Variants in TNIK observed in about 807,000 individuals in gnomAD.
The protein encoded by TNIK is TRAF2 and NCK interacting kinase, also known as TRAF2 and NCK-interacting protein kinase.
In TNIK, 49 loss-of-function variants were observed where a neutral mutation model predicts 191.3. That is an observed-to-expected ratio of 0.26 (90% CI 0.20 to 0.32). The LOEUF (loss-of-function observed/expected upper bound fraction) is 0.32. Among genes scored for constraint, TNIK ranks in the 10% least tolerant of loss-of-function variants. The pLI is 1.00. For missense variants in TNIK, 1,155 were observed against 1,702.3 expected (o/e 0.68, Z 5.66); for synonymous variants, 594 against 600.9 (o/e 0.99, Z 0.17).
chr3:171,456,120 G>A (rs1728774172), intron 1 of TNIK, among the ~76,000 whole-genome samples: 1 of 152,176 alleles, frequency 6.6e-6, no homozygotes, highest in South Asian at 2.1e-4. Context: ...AAGTGTATGT[G>A]AGTCCTGGCA....
chr3:171,118,006 C>T (rs887970049), intron 18 of TNIK, among the ~76,000 whole-genome samples: 1 of 152,112 alleles, frequency 6.6e-6, no homozygotes, highest in African/African-American at 2.4e-5. Context: ...CAAATTGTCC[C>T]TGTTTGCAGA....
At chr3:171,234,497 C>T (rs1744031881) in intron 2 of TNIK, among the ~76,000 whole-genome samples, 1 of 152,178 alleles carries the variant, frequency 6.6e-6, no homozygotes. Context: ...CTGTGAATTC[C>T]TTTGCTTGGC....
At chr3:171,288,127 A>G (rs562135511) in intron 2 of TNIK, among the ~76,000 whole-genome samples, 2 of 130,118 alleles carry the variant, frequency 1.5e-5, no homozygotes, top group Admixed American at 9.1e-5. Flanking sequence ...ATGAGATCAC[A>G]TGGACACAGG....
At chr3:171,161,236 T>G in intron 11 of TNIK, 34 bp downstream of exon 11, 1 of 1,597,840 alleles carries the variant, frequency 6.3e-7, no homozygotes, top group East Asian at 2.2e-5. Context: ...ATTCAGAATG[T>G]GAACATTAGA....
chr3:171,419,307 C>T (rs1280684501), intron 1 of TNIK, among the ~76,000 whole-genome samples: 1 of 152,096 alleles, frequency 6.6e-6, no homozygotes, highest in African/African-American at 2.4e-5. Context: ...ATGGGAAAAT[C>T]CGTAAAGACA....
At chr3:171,325,938 C>G (rs1177059370) in intron 2 of TNIK, among the ~76,000 whole-genome samples, 1 of 152,172 alleles carries the variant, frequency 6.6e-6, no homozygotes, top group African/African-American at 2.4e-5. Flanking sequence ...CAGAATTGTG[C>G]CCACTCTTCT....
chr3:171,208,160 A>T lies in TNIK; in HGVS notation c.306+2956T>A, dbSNP rs546048571. 3.3e-5 allele frequency among the ~76,000 whole-genome samples: 5 copies of T among 152,290 alleles called. No individual in the cohort carries two copies. In the East Asian group the frequency reaches 9.7e-4, roughly 29 times the overall value. Reference sequence around the variant, plus strand: ...AGCCTAGGCAAGAAAGTGAGACAAAAAAATAAATAAATTAGCTGGGCATAG... The same window carrying T: ...AGCCTAGGCAAGAAAGTGAGACAAATAAATAAATAAATTAGCTGGGCATAG... On this transcript the variant is annotated intron_variant, in intron 4 of 32. Transcript: ENST00000436636.
At chr3:171,330,977 A>C (rs1380563343) in intron 2 of TNIK, among the ~76,000 whole-genome samples, 1 of 152,156 alleles carries the variant, frequency 6.6e-6, no homozygotes, top group African/African-American at 2.4e-5. Context: ...CCACAAAATA[A>C]CACCACCACG....
chr3:171,143,674 T>C (rs889827546), intron 12 of TNIK, among the ~76,000 whole-genome samples: 1 of 152,242 alleles, frequency 6.6e-6, no homozygotes, highest in African/African-American at 2.4e-5. Context: ...AAGCCGTGTG[T>C]GGGCAAGATC....
intron 2 of TNIK, among the ~76,000 whole-genome samples, chr3:171,279,919 C>G: frequency 6.6e-6 from 1 of 152,104 alleles, no homozygotes; most frequent in Non-Finnish European, 1.5e-5. Context: ...CTATCTTACT[C>G]CCCCAGGTAT....
At chr3:171,309,192 C>T (rs1381809675) in intron 2 of TNIK, among the ~76,000 whole-genome samples, 3 of 151,976 alleles carry the variant, frequency 2.0e-5, no homozygotes, top group African/African-American at 7.2e-5. Flanking sequence ...AAATGTGGTA[C>T]ATATACACCA....
rs527320728 is a variant in TNIK at position 171,343,956 on chromosome 3, G to A, written c.123+25664C>T. Among the ~76,000 whole-genome samples the A allele has an allele frequency of 3.8e-3, 572 of 152,250 alleles. 1 individual carries two copies. The highest frequency in any genetic ancestry group is 6.8e-3 in the South Asian group (33 of 4,820). ...CAACCAATTTACAAACCAAGCCTTCGACAGTCTAGTCTGAGCAGAAATCAA... is the reference window on the plus strand; with the variant it reads ...CAACCAATTTACAAACCAAGCCTTCAACAGTCTAGTCTGAGCAGAAATCAA... On this transcript the variant is annotated intron_variant, in intron 2 of 32. Coordinates refer to ENST00000436636, the MANE Select transcript of TNIK (RefSeq NM_015028.4).
chr3:171,119,888 G>A (rs1192246075), intron 18 of TNIK, among the ~76,000 whole-genome samples: 2 of 152,162 alleles, frequency 1.3e-5, no homozygotes, highest in Admixed American at 6.5e-5. Context: ...CATGGCACAT[G>A]TATACATATG....
intron 2 of TNIK, among the ~76,000 whole-genome samples, chr3:171,336,467 C>A (rs887689133): frequency 8.5e-5 from 13 of 152,160 alleles, no homozygotes; most frequent in African/African-American, 2.9e-4. Flanking sequence ...CCACTGTAAC[C>A]TGCTGTATGA....
chr3:171,101,277 CATAG>C (rs781577149), intron 22 of TNIK, among the ~76,000 whole-genome samples, 168 bp downstream of exon 22: 7 of 152,044 alleles, frequency 4.6e-5, no homozygotes, highest in Admixed American at 1.3e-4. Context: ...TGATTGTGTC[CATAG>C]ATAGAGATAA....
At chr3:171,416,070 A>AC (rs764035094) in intron 1 of TNIK, among the ~76,000 whole-genome samples, 1 of 151,624 alleles carries the variant, frequency 6.6e-6, no homozygotes, top group Non-Finnish European at 1.5e-5. Context: ...TTCCCCTTCT[A>AC]CCCCCCAGGC....
chr3:171,328,914 T>G (rs1408169234), intron 2 of TNIK, among the ~76,000 whole-genome samples: 2 of 152,110 alleles, frequency 1.3e-5, no homozygotes, highest in East Asian at 3.9e-4. Context: ...AGATGGCCAC[T>G]TCCTTCTTCC....
intron 2 of TNIK, among the ~76,000 whole-genome samples, chr3:171,247,410 A>G (rs73043087): frequency 0.029 from 4,451 of 152,358 alleles, 212 homozygotes; most frequent in African/African-American, 0.1. Context: ...GAAGTCCTCC[A>G]GGAAGATAAC....
chr3:171,254,265 T>C (rs1290883445), intron 2 of TNIK, among the ~76,000 whole-genome samples: 1 of 152,166 alleles, frequency 6.6e-6, no homozygotes, highest in Non-Finnish European at 1.5e-5. Context: ...AAAAGATAAT[T>C]TGATTTTCTT....
Sources: allele counts gnomAD v4.1 joint callset (sites outside exome capture counted in the v4.1 genomes callset), GRCh38; gene constraint gnomAD v4.1.1; transcripts MANE v1.5; gene names NCBI Gene and HGNC (gene_info 2026-07-23, HGNC 2026-07-21).